The following SPATA16 variants were observed in gnomAD, a reference collection of about 807,000 sequenced individuals.
SPATA16 encodes spermatogenesis-associated protein 16.
In SPATA16, 36 loss-of-function variants were observed where a neutral mutation model predicts 63.3. The observed-to-expected ratio is 0.57, with a 90% CI of 0.44 to 0.75. The LOEUF is 0.75. Among genes scored for constraint, SPATA16 ranks in the 30% least tolerant of loss-of-function variants. The probability of loss-of-function intolerance (pLI) is 0.00; values close to 1 mark genes in which losing one functional copy is unlikely to be tolerated. For synonymous variants in SPATA16, 203 were observed against 216.7 expected, an observed-to-expected ratio of 0.94 and a Z score of 0.56; for missense variants, 646 against 679.3, an observed-to-expected ratio of 0.95 and a Z score of 0.54.
intron 2 of SPATA16, among the ~76,000 whole-genome samples, chr3:173,087,473 T>C (rs1737087392): frequency 6.6e-6 from 1 of 152,220 alleles, no homozygotes; most frequent in Non-Finnish European, 1.5e-5. Context: ...CTTAATTCTA[T>C]CCAGCTTGCT....
intron 10 of SPATA16, among the ~76,000 whole-genome samples, chr3:172,901,037 T>C (rs1235548146): frequency 6.6e-6 from 1 of 151,822 alleles, no homozygotes; most frequent in Non-Finnish European, 1.5e-5. Context: ...AATTTTTTGT[T>C]ATAGTTATTT....
chr3:172,919,025 T>C (rs898194505), intron 8 of SPATA16, among the ~76,000 whole-genome samples: 1 of 152,242 alleles, frequency 6.6e-6, no homozygotes, highest in Non-Finnish European at 1.5e-5. Context: ...TTATTGTTCA[T>C]TTCAAATGTG....
chr3:173,034,444 G>GTAT (rs1366705932), intron 3 of SPATA16, among the ~76,000 whole-genome samples: 1 of 152,024 alleles, frequency 6.6e-6, no homozygotes, highest in African/African-American at 2.4e-5. Flanking sequence ...TGTCTATCAG[G>GTAT]TATTAAAATT....
intron 2 of SPATA16, among the ~76,000 whole-genome samples, chr3:173,109,218 C>T (rs866638581): frequency 6.6e-6 from 1 of 152,092 alleles, no homozygotes; most frequent in African/African-American, 2.4e-5. Context: ...CCCTCTTCCA[C>T]CCTTCCTGTC....
intron 2 of SPATA16, among the ~76,000 whole-genome samples, chr3:173,106,519 C>T (rs964971434): frequency 3.9e-5 from 6 of 152,184 alleles, no homozygotes; most frequent in Non-Finnish European, 5.9e-5. Context: ...GTAGTAACTA[C>T]TCAATAAATA....
intron 4 of SPATA16, among the ~76,000 whole-genome samples, chr3:173,015,270 G>A (rs1236928009): frequency 6.6e-6 from 1 of 152,026 alleles, no homozygotes; most frequent in African/African-American, 2.4e-5. Flanking sequence ...CACCATGTTG[G>A]CCAGGCTGCT....
intron 5 of SPATA16, among the ~76,000 whole-genome samples, chr3:172,971,071 C>T (rs1274710011): frequency 6.6e-6 from 1 of 152,132 alleles, no homozygotes; most frequent in Non-Finnish European, 1.5e-5. Flanking sequence ...GAAATCTATT[C>T]ACTTGCTGCT....
chr3:173,125,434 A>G (rs1022728624), intron 1 of SPATA16, among the ~76,000 whole-genome samples: 25 of 152,192 alleles, frequency 1.6e-4, no homozygotes, highest in African/African-American at 5.8e-4. Flanking sequence ...CATAACACCT[A>G]GAATCGAATA....
rs183976541 is a variant in SPATA16, at chr3:173,019,721, C to T, written c.759-146G>A. The T allele has an allele frequency of 2.2e-3, 1,534 of 697,706 alleles. 4 individuals are homozygous for T. Among genetic ancestry groups the T allele is most frequent in the Non-Finnish European group, 2.9e-3 (1,165 of 404,364 alleles). 43.2% of individuals were successfully genotyped at this position (697,706 alleles called of 1,614,324 possible). On this transcript the variant is annotated intron_variant, in intron 3 of 10. Transcript: ENST00000351008. ...GTGAAAGGAGCCCTTCCCCGCCCCCCGTAATTGGCAATTAAGACAAATAAA... is the reference window on the plus strand; with the variant it reads ...GTGAAAGGAGCCCTTCCCCGCCCCCTGTAATTGGCAATTAAGACAAATAAA...
chr3:173,134,529 GC>G (rs1303148188), intron 1 of SPATA16, among the ~76,000 whole-genome samples: 5 of 152,014 alleles, frequency 3.3e-5, no homozygotes, highest in Non-Finnish European at 4.4e-5. Flanking sequence ...AAGCAAGGCT[GC>G]CTCGCATGTT....
chr3:172,898,826 C>G (rs1033301464), intron 10 of SPATA16, among the ~76,000 whole-genome samples: 3 of 151,376 alleles, frequency 2.0e-5, no homozygotes, highest in African/African-American at 7.3e-5. Flanking sequence ...ATAGCTTCTT[C>G]TTTTATAGTG....
intron 5 of SPATA16, 110 bp downstream of exon 5, chr3:172,976,858 T>C (rs1734171448): frequency 1.2e-6 from 1 of 841,894 alleles, no homozygotes. Flanking sequence ...TTCTTTCTGA[T>C]TGATATGCCC....
At chr3:173,013,264 T>C (rs1735110603) in intron 4 of SPATA16, among the ~76,000 whole-genome samples, 1 of 152,024 alleles carries the variant, frequency 6.6e-6, no homozygotes, top group South Asian at 2.1e-4. Flanking sequence ...AGTCAAAAAA[T>C]AATAGATGCT....
chr3:173,089,904 C>T (rs763552926), intron 2 of SPATA16, among the ~76,000 whole-genome samples: 3 of 152,098 alleles, frequency 2.0e-5, no homozygotes, highest in Non-Finnish European at 2.9e-5. Context: ...CTGACTTGAG[C>T]GTGTTGTAAA....
intron 10 of SPATA16, among the ~76,000 whole-genome samples, chr3:172,899,926 C>G (rs1732092605): frequency 6.6e-6 from 1 of 152,084 alleles, no homozygotes; most frequent in South Asian, 2.1e-4. Context: ...TATATAAATT[C>G]AGAACTACAT....
intron 3 of SPATA16, among the ~76,000 whole-genome samples, chr3:173,041,493 C>A (rs1735839782): frequency 6.6e-6 from 1 of 152,070 alleles, no homozygotes; most frequent in African/African-American, 2.4e-5. Context: ...TTTCCCAAAG[C>A]AAGACATTGT....
chr3:172,940,964 CAG>C (rs1048303924), intron 6 of SPATA16, among the ~76,000 whole-genome samples: 1 of 151,936 alleles, frequency 6.6e-6, no homozygotes, highest in Admixed American at 6.6e-5. Flanking sequence ...GCCTGGGTGA[CAG>C]AGAGAGACTC....
intron 2 of SPATA16, among the ~76,000 whole-genome samples, chr3:173,080,591 C>T (rs77710943): frequency 0.014 from 2,109 of 152,106 alleles, 58 homozygotes; most frequent in African/African-American, 0.047. Context: ...ATTTTATGGA[C>T]GGGGTGATCT....
intron 2 of SPATA16, among the ~76,000 whole-genome samples, chr3:173,052,954 AT>A (rs35484349): frequency 0.15 from 23,214 of 152,238 alleles, 2,067 homozygotes; most frequent in South Asian, 0.23. Flanking sequence ...ACCCTAAAAT[AT>A]TTTTGAATAC....
Sources: gnomAD v4.1 joint callset for allele counts (sites outside exome capture counted in the v4.1 genomes callset) on GRCh38, gnomAD v4.1.1 for gene constraint, MANE v1.5 for transcripts, NCBI Gene and HGNC (gene_info 2026-07-23, HGNC 2026-07-21) for gene names.